The following TMC7 variants were observed in gnomAD, a reference collection of about 807,000 sequenced individuals.
The protein encoded by TMC7 is transmembrane channel like 7.
A neutral mutation model predicts 82.9 loss-of-function variants in TMC7; 54 were observed. The observed-to-expected ratio is 0.65, with a 90% CI of 0.52 to 0.82. The LOEUF (loss-of-function observed/expected upper bound fraction) is 0.82. Among genes scored for constraint, TMC7 ranks in the 40% least tolerant of loss-of-function variants. The pLI, the probability that TMC7 is intolerant of heterozygous loss-of-function variation, is 0.00. For synonymous variants in TMC7, 350 were observed against 337.9 expected, an observed-to-expected ratio of 1.04 and a Z score of -0.39; for missense variants, 820 against 901.2, an observed-to-expected ratio of 0.91 and a Z score of 1.15.
At position 19,039,092 on chromosome 16, in the gene TMC7, C is replaced by CTT. The variant is rs376747652; in HGVS notation, c.1179+1060_1179+1061dup. 2.4e-3 allele frequency among the ~76,000 whole-genome samples: 312 copies of CTT among 130,436 alleles called. 4 individuals carry two copies. Among genetic ancestry groups the CTT allele is most frequent in the Middle Eastern group, 7.9e-3 (2 of 254 alleles). 85.6% of individuals were successfully genotyped at this position (130,436 alleles called of 152,430 possible). A position where few individuals can be genotyped will look rare whatever the true frequency, so the allele number is the denominator to read the frequency against. On this transcript the variant is annotated intron_variant, in intron 8 of 15. Transcript: ENST00000304381. The stretch of plus-strand genomic sequence containing the variant: ...GGTTTTCTTTTCTTCTTTCTTTTTT[C>CTT]TTTTTTTTTTTTTTTTGAGACAGAG...
chr16:19,049,167 G>A (rs1396483526), intron 12 of TMC7, among the ~76,000 whole-genome samples: 1 of 152,084 alleles, frequency 6.6e-6, no homozygotes, highest in Admixed American at 6.6e-5. Flanking sequence ...GGGATTACAG[G>A]CATGCGCCAC....
chr16:18,997,490 C>T (rs2039063408), intron 1 of TMC7, among the ~76,000 whole-genome samples: 1 of 151,634 alleles, frequency 6.6e-6, no homozygotes, highest in Non-Finnish European at 1.5e-5. Context: ...CTGCCTTAGC[C>T]CCCCAAGTAG....
chr16:18,989,692 C>T (rs56670178), intron 1 of TMC7, among the ~76,000 whole-genome samples: 5,213 of 150,980 alleles, frequency 0.035, 291 homozygotes, highest in African/African-American at 0.12. Context: ...ACGCACTAAA[C>T]GGTAAAGGGA....
At position 19,047,193 on chromosome 16, in the gene TMC7, C is replaced by T. The variant is rs773587610; in HGVS notation, c.1684C>T (p.Pro562Ser). The change falls in exon 12 of 16, where the codon CCC (proline) becomes TCC (serine). Residue 562 changes from proline to serine, a missense_variant. Transcript: ENST00000304381. ...TICWIGAFFS[P>S]LLPAIATLKF... ...CTGCTGGATCGGAGCCTTTTTCTCA[C>T]CCCTTCTCCCTGCAATTGCAACCCT... is the stretch of plus-strand genomic sequence containing the variant. 25 of 1,613,796 alleles carry T rather than the reference C, an allele frequency of 1.5e-5. No homozygotes were observed. Among genetic ancestry groups the T allele is most frequent in the Non-Finnish European group, 2.1e-5 (25 of 1,180,028 alleles).
At chr16:18,999,799 T>C (rs2039109443) in intron 1 of TMC7, among the ~76,000 whole-genome samples, 1 of 151,734 alleles carries the variant, frequency 6.6e-6, no homozygotes, top group Admixed American at 6.6e-5. Flanking sequence ...AGTCTCGCCC[T>C]GTTGCCCAGG....
Position 19,006,316 on chromosome 16 carries a change from C to T in TMC7, c.68-2856C>T, listed in dbSNP as rs190301280. On this transcript the variant is annotated intron_variant, in intron 1 of 15. Coordinates refer to ENST00000304381, the MANE Select transcript of TMC7 (RefSeq NM_024847.4). ...CCTGGGTTCAAGCGATCCTAAATAG[C>T]TGGGATTACAGGCACGCGCTAGCGT... 1.8e-4 allele frequency among the ~76,000 whole-genome samples: 28 copies of T among 151,996 alleles called. 1 individual carries two copies. Among genetic ancestry groups the T allele is most frequent in the Admixed American group, 1.4e-3 (21 of 15,250 alleles).
At chr16:18,994,429 G>T (rs938834310) in intron 1 of TMC7, among the ~76,000 whole-genome samples, 4 of 151,648 alleles carry the variant, frequency 2.6e-5, no homozygotes, top group Non-Finnish European at 4.4e-5. Context: ...CTCCAGCCTG[G>T]GTGACACGGC....
In TMC7 at chr16:19,045,560, C is replaced by T. The variant is rs1961234205; in HGVS notation, c.1553+122C>T. On this transcript the variant is annotated intron_variant, in intron 11 of 15. Coordinates refer to ENST00000304381, the MANE Select transcript of TMC7 (RefSeq NM_024847.4). ...TTCCAGAAGCTGCTGGATGACTCTA[C>T]AGCCCTGGAAATCTGACAACTGGTA... is the stretch of plus-strand genomic sequence containing the variant. 4 of 650,994 alleles carry T rather than the reference C, an allele frequency of 6.1e-6. No homozygotes were observed. The East Asian group carries it at 1.1e-4, about 17-fold the overall frequency. 40.3% of individuals were successfully genotyped at this position (650,994 alleles called of 1,614,324 possible). A position where few individuals can be genotyped will look rare whatever the true frequency, so the allele number is the denominator to read the frequency against.
In TMC7 at chr16:19,047,178, G is replaced by A. The variant is rs146407341; in HGVS notation, c.1669G>A (p.Gly557Arg). The A allele has an allele frequency of 3.5e-5, 57 of 1,613,836 alleles. No homozygotes were observed. The highest frequency in any genetic ancestry group is 1.6e-4 in the African/African-American group (12 of 74,922). ...TTACGGGCAAACCATCTGCTGGATC[G>A]GAGCCTTTTTCTCACCCCTTCTCCC... ...IVYGQTICWI[G>R]AFFSPLLPAI... The change falls in exon 12 of 16, where the codon GGA (glycine) becomes AGA (arginine). Residue 557 changes from glycine (G) to arginine (R), a missense_variant. Gly to Arg is a moderately radical substitution (Grantham distance 125). Coordinates refer to ENST00000304381, the MANE Select transcript of TMC7 (RefSeq NM_024847.4).
chr16:19,038,117 G>A (rs190519903), intron 8 of TMC7, 70 bp downstream of exon 8: 32 of 1,443,004 alleles, frequency 2.2e-5, no homozygotes, highest in Middle Eastern at 1.8e-4. Flanking sequence ...AGATACCATC[G>A]TCATTTCTGT....
At chr16:19,059,790 A>T in intron 15 of TMC7, 1 of 901,598 alleles carries the variant, frequency 1.1e-6, no homozygotes. Context: ...CAGCCTGGCC[A>T]ACATGGTGAA....
intron 12 of TMC7, chr16:19,049,737 C>T: frequency 1.1e-6 from 1 of 871,858 alleles, no homozygotes; most frequent in Non-Finnish European, 1.4e-6. Context: ...CCGCCGGCTG[C>T]CCCGAGGCTG....
chr16:19,031,757 T>C (rs1196328746), intron 6 of TMC7, among the ~76,000 whole-genome samples: 1 of 152,210 alleles, frequency 6.6e-6, no homozygotes, highest in Non-Finnish European at 1.5e-5. Flanking sequence ...GTTAGTGTGG[T>C]AGAATTCATC....
At chr16:19,027,184 C>G (rs1034562677) in intron 5 of TMC7, among the ~76,000 whole-genome samples, 5 of 148,398 alleles carry the variant, frequency 3.4e-5, no homozygotes, top group South Asian at 2.2e-4. Context: ...ATTCTTGTGC[C>G]TCAGCCTCCC....
chr16:19,056,860 C>T (rs1002207500), intron 14 of TMC7, among the ~76,000 whole-genome samples, 163 bp downstream of exon 14: 5 of 152,114 alleles, frequency 3.3e-5, no homozygotes, highest in South Asian at 2.1e-4. Flanking sequence ...CGCGGTGGCT[C>T]ATGCCTGTAA....
At chr16:19,028,348 A>G (rs1417733403) in intron 5 of TMC7, among the ~76,000 whole-genome samples, 1 of 151,704 alleles carries the variant, frequency 6.6e-6, no homozygotes, top group African/African-American at 2.4e-5. Flanking sequence ...CAGCCTGGGC[A>G]ACATGGCGAG....
At chr16:19,032,638 T>C (rs1960569397) in intron 6 of TMC7, among the ~76,000 whole-genome samples, 2 of 152,132 alleles carry the variant, frequency 1.3e-5, no homozygotes, top group African/African-American at 2.4e-5. Flanking sequence ...TTTTTTGTTT[T>C]TGTTTTTCAA....
intron 1 of TMC7, among the ~76,000 whole-genome samples, chr16:18,998,275 C>T (rs1487932314): frequency 1.3e-5 from 2 of 152,182 alleles, no homozygotes; most frequent in African/African-American, 4.8e-5. Flanking sequence ...GGTGGGAAAA[C>T]CAAGGCATGG....
chr16:19,013,608 C>G (rs973657464), intron 2 of TMC7, among the ~76,000 whole-genome samples: 1 of 152,058 alleles, frequency 6.6e-6, no homozygotes, highest in African/African-American at 2.4e-5. Context: ...ACCTCTGCCT[C>G]GCGGGTTTCA....
Sources: gnomAD v4.1 joint callset for allele counts (sites outside exome capture counted in the v4.1 genomes callset) on GRCh38, gnomAD v4.1.1 for gene constraint, MANE v1.5 for transcripts, NCBI Gene and HGNC (gene_info 2026-07-23, HGNC 2026-07-21) for gene names.